Variants in TAS2R1 observed in about 807,000 individuals in gnomAD.
The protein encoded by TAS2R1 is taste receptor type 2 member 1.
For synonymous variants in TAS2R1, 141 were observed against 134.2 expected (o/e 1.05, Z -0.35); for missense variants, 370 against 353.4 (o/e 1.05, Z -0.38).
chr5:9,781,067 A>G, the TAS2R1 span, among the ~76,000 whole-genome samples: 3 of 152,234 alleles, frequency 2.0e-5, no homozygotes, highest in African/African-American at 7.2e-5. Context: ...TATATATCCT[A>G]TAGCCTAGCC....
the TAS2R1 span, among the ~76,000 whole-genome samples, chr5:9,730,554 G>A: frequency 6.6e-6 from 1 of 152,190 alleles, no homozygotes; most frequent in South Asian, 2.1e-4. Context: ...GAGCACCCAG[G>A]CACAGGGAGG....
At chr5:9,819,228 CA>C in the TAS2R1 span, among the ~76,000 whole-genome samples, 1 of 152,124 alleles carries the variant, frequency 6.6e-6, no homozygotes, top group South Asian at 2.1e-4. Context: ...AAAGACTCCT[CA>C]ATGAGTCTAA....
the TAS2R1 span, among the ~76,000 whole-genome samples, chr5:9,772,813 C>T: frequency 6.6e-6 from 1 of 152,022 alleles, no homozygotes; most frequent in African/African-American, 2.4e-5. Context: ...AGTATAGCTA[C>T]TTCTGCTCTT....
the TAS2R1 span, among the ~76,000 whole-genome samples, chr5:9,772,246 A>T: frequency 6.6e-6 from 1 of 152,134 alleles, no homozygotes; most frequent in Admixed American, 6.5e-5. Flanking sequence ...TTTCCTTCTT[A>T]ATTTCTTCAT....
the TAS2R1 span, among the ~76,000 whole-genome samples, chr5:9,869,809 A>G: frequency 1.3e-3 from 192 of 152,336 alleles, no homozygotes; most frequent in African/African-American, 4.4e-3. Flanking sequence ...GTAATAAATC[A>G]TAGCCATGAG....
chr5:9,811,404 T>G, the TAS2R1 span, among the ~76,000 whole-genome samples: 27 of 152,288 alleles, frequency 1.8e-4, no homozygotes, highest in Middle Eastern at 3.4e-3. Context: ...CCCATAAGCC[T>G]AAAGAGTGAG....
At chr5:9,754,554 C>T in the TAS2R1 span, among the ~76,000 whole-genome samples, 1 of 152,190 alleles carries the variant, frequency 6.6e-6, no homozygotes, top group African/African-American at 2.4e-5. Flanking sequence ...TCAGCAAAGT[C>T]TCAGGATACA....
the TAS2R1 span, among the ~76,000 whole-genome samples, chr5:9,803,351 T>C: frequency 2.0e-5 from 3 of 152,228 alleles, no homozygotes; most frequent in African/African-American, 7.2e-5. Context: ...TTTCCTGGCC[T>C]GCTAGAGATC....
chr5:9,901,013 C>G, the TAS2R1 span, among the ~76,000 whole-genome samples: 1 of 152,122 alleles, frequency 6.6e-6, no homozygotes, highest in African/African-American at 2.4e-5. Context: ...TCGGAGGACA[C>G]AATACCTTGG....
At chr5:9,710,866 A>ATT (rs1741717461) in intron 1 of TAS2R1, among the ~76,000 whole-genome samples, 1 of 131,286 alleles carries the variant, frequency 7.6e-6, no homozygotes, top group African/African-American at 3.1e-5. Flanking sequence ...TAGGATGGTC[A>ATT]TTATATATAT....
the TAS2R1 span, among the ~76,000 whole-genome samples, chr5:9,830,177 T>TTGGATGGATGGACGGATGGA: frequency 6.5e-4 from 86 of 132,612 alleles, no homozygotes; most frequent in Admixed American, 4.3e-3. Context: ...AGAGAACAGA[T>TTGGATGGATGGACGGATGGA]TGGATGGATG....
the TAS2R1 span, among the ~76,000 whole-genome samples, chr5:9,739,034 TACCTGCCTATTTCTAG>T: frequency 6.6e-6 from 1 of 152,234 alleles, no homozygotes; most frequent in Non-Finnish European, 1.5e-5. Context: ...TTTTCCCTAG[TACCTGCCTATTTCTAG>T]AAAAAGCTAA....
At chr5:9,796,734 AAAAAAG>A in the TAS2R1 span, among the ~76,000 whole-genome samples, 734 of 148,870 alleles carry the variant, frequency 4.9e-3, 3 homozygotes, top group African/African-American at 0.017. Flanking sequence ...AAAAAAAAAA[AAAAAAG>A]AAAAGAAAAA....
At chr5:9,892,260 C>T in the TAS2R1 span, among the ~76,000 whole-genome samples, 4 of 152,176 alleles carry the variant, frequency 2.6e-5, no homozygotes, top group Non-Finnish European at 4.4e-5. Context: ...GATCTGAGTA[C>T]GCTGGGCTCA....
chr5:9,656,058 C>T (rs1740411725), intron 2 of TAS2R1, among the ~76,000 whole-genome samples: 1 of 152,078 alleles, frequency 6.6e-6, no homozygotes, highest in African/African-American at 2.4e-5. Flanking sequence ...GAGCACTTAT[C>T]ACACTGCACT....
intron 2 of TAS2R1, among the ~76,000 whole-genome samples, chr5:9,640,745 C>T (rs764883972): frequency 2.0e-5 from 3 of 152,138 alleles, no homozygotes; most frequent in Non-Finnish European, 4.4e-5. Flanking sequence ...TTCTCATCCT[C>T]AGTACTCTTC....
the TAS2R1 span, among the ~76,000 whole-genome samples, chr5:9,895,338 TTG>T: frequency 6.6e-6 from 1 of 152,236 alleles, no homozygotes; most frequent in East Asian, 1.9e-4. Flanking sequence ...TGATGCACAG[TTG>T]TGAGAGAAAA....
At chr5:9,641,370 GA>G (rs1276762916) in intron 2 of TAS2R1, 7 of 152,162 alleles carry the variant, frequency 4.6e-5, no homozygotes, top group Admixed American at 4.6e-4. Context: ...CCCATGGAGT[GA>G]AAAGTAAAAA....
the TAS2R1 span, chr5:9,870,184 A>G: frequency 6.6e-6 from 1 of 152,136 alleles, no homozygotes; most frequent in African/African-American, 2.4e-5. Flanking sequence ...TGTTCTCTCT[A>G]TATTGGTACT....
Sources: allele counts gnomAD v4.1 joint callset (sites outside exome capture counted in the v4.1 genomes callset), GRCh38; gene constraint gnomAD v4.1.1; transcripts MANE v1.5; gene names NCBI Gene and HGNC (gene_info 2026-07-23, HGNC 2026-07-21).